MALRD1: variants seen among roughly 807,000 people sequenced by gnomAD.
MALRD1 encodes MAM and LDL-receptor class A domain-containing protein 1.
A neutral mutation model predicts 242.1 loss-of-function variants in MALRD1; 247 were observed. That is an observed-to-expected ratio of 1.02 (90% CI 0.92 to 1.13). The LOEUF (loss-of-function observed/expected upper bound fraction) is 1.13. Ranked by LOEUF, MALRD1 falls within the 50% of genes most tolerant of loss-of-function variation. The probability of loss-of-function intolerance (pLI) is 0.00; values close to 1 mark genes in which losing one functional copy is unlikely to be tolerated. For synonymous variants in MALRD1, 995 were observed against 866.6 expected (o/e 1.15, Z -2.60); for missense variants, 2,989 against 2,533.1 (o/e 1.18, Z -3.86).
chr10:19,216,561 G>A (rs79647793), intron 18 of MALRD1, among the ~76,000 whole-genome samples: 4,291 of 151,932 alleles, frequency 0.028, 175 homozygotes, highest in East Asian at 0.18. Context: ...TTATCATAGT[G>A]TGTTATTTGT....
At chr10:19,570,874 G>A (rs563523715) in intron 33 of MALRD1, among the ~76,000 whole-genome samples, 1 of 151,852 alleles carries the variant, frequency 6.6e-6, no homozygotes, top group Non-Finnish European at 1.5e-5. Context: ...AAACTGTGTT[G>A]TTTGTAATTG....
At chr10:19,589,535 C>T (rs552731888) in intron 33 of MALRD1, among the ~76,000 whole-genome samples, 1 of 152,268 alleles carries the variant, frequency 6.6e-6, no homozygotes, top group South Asian at 2.1e-4. Flanking sequence ...AGCACATAAA[C>T]TAAGCTTTCA....
chr10:19,420,118 C>T (rs1487273363), intron 28 of MALRD1, among the ~76,000 whole-genome samples: 1 of 152,156 alleles, frequency 6.6e-6, no homozygotes, highest in Non-Finnish European at 1.5e-5. Context: ...GGAAGGGGTT[C>T]TTATGCCTGA....
intron 5 of MALRD1, among the ~76,000 whole-genome samples, chr10:19,115,771 G>A (rs962734860): frequency 6.6e-6 from 1 of 152,124 alleles, no homozygotes; most frequent in South Asian, 2.1e-4. Flanking sequence ...AGCTACTGGG[G>A]AGGCTGAGAC....
chr10:19,530,431 T>TA (rs1564417459), intron 31 of MALRD1, among the ~76,000 whole-genome samples: 9 of 66,774 alleles, frequency 1.3e-4, no homozygotes, highest in African/African-American at 4.4e-4. Flanking sequence ...AAATATATAA[T>TA]ATATATAATA....
At position 19,231,213 on chromosome 10, in the gene MALRD1, C is replaced by T. The variant is rs145685538; in HGVS notation, c.2991+21533C>T. Among the ~76,000 whole-genome samples, 735 of 152,266 alleles carry T rather than the reference C, an allele frequency of 4.8e-3. 3 individuals are homozygous for T. Among genetic ancestry groups the T allele is most frequent in the Middle Eastern group, 0.01 (3 of 294 alleles). The stretch of plus-strand genomic sequence containing the variant: ...AATTTAGGCCAACTCTGAAGGGTCA[C>T]CCCAGCTTCTCAGCTCCCCCTTGAG... On this transcript the variant is annotated intron_variant, in intron 18 of 39. Transcript: ENST00000454679.
At chr10:19,435,716 A>G (rs1834326403) in intron 28 of MALRD1, among the ~76,000 whole-genome samples, 1 of 152,136 alleles carries the variant, frequency 6.6e-6, no homozygotes, top group Admixed American at 6.6e-5. Context: ...AAAGTTGTCA[A>G]GTTCCTTCCC....
At chr10:19,550,368 G>A (rs187489549) in intron 32 of MALRD1, among the ~76,000 whole-genome samples, 1 of 151,968 alleles carries the variant, frequency 6.6e-6, no homozygotes, top group Non-Finnish European at 1.5e-5. Flanking sequence ...TAAGTTCAGG[G>A]GTACCTGTGC....
At chr10:19,116,966 G>C (rs967541084) in intron 5 of MALRD1, among the ~76,000 whole-genome samples, 5 of 151,806 alleles carry the variant, frequency 3.3e-5, no homozygotes, top group Admixed American at 2.6e-4. Context: ...GTGGTGGCGG[G>C]CCCCTGTAGT....
intron 18 of MALRD1, among the ~76,000 whole-genome samples, chr10:19,229,857 T>G (rs1471228896): frequency 6.6e-6 from 1 of 152,162 alleles, no homozygotes; most frequent in Non-Finnish European, 1.5e-5. Context: ...TAGCTATATT[T>G]AATTGAAAGT....
chr10:19,544,407 C>T (rs1835113334), intron 32 of MALRD1, among the ~76,000 whole-genome samples: 1 of 151,922 alleles, frequency 6.6e-6, no homozygotes. Flanking sequence ...AGGCTGGTCT[C>T]GAACTCCTGA....
chr10:19,357,565 A>T (rs868097977), intron 26 of MALRD1, among the ~76,000 whole-genome samples: 32 of 152,254 alleles, frequency 2.1e-4, no homozygotes, highest in African/African-American at 7.7e-4. Flanking sequence ...TTACTTTATA[A>T]CTATAAAATC....
At chr10:19,502,272 A>T (rs1181332261) in intron 31 of MALRD1, among the ~76,000 whole-genome samples, 1 of 152,026 alleles carries the variant, frequency 6.6e-6, no homozygotes, top group Non-Finnish European at 1.5e-5. Context: ...TAAAATATAA[A>T]TAAGCAGAAA....
chr10:19,393,612 A>AT (rs71387075), intron 28 of MALRD1, among the ~76,000 whole-genome samples: 20,677 of 132,354 alleles, frequency 0.16, 1,664 homozygotes, highest in East Asian at 0.25. Context: ...CGCCTGGCTA[A>AT]TTTTTTTTTT....
intron 36 of MALRD1, among the ~76,000 whole-genome samples, chr10:19,656,106 A>G (rs1403604688): frequency 6.6e-6 from 1 of 152,186 alleles, no homozygotes; most frequent in African/African-American, 2.4e-5. Context: ...TCAATTCTTG[A>G]AATGATTTAT....
chr10:19,535,454 C>G (rs1032298417), intron 32 of MALRD1, among the ~76,000 whole-genome samples: 6 of 150,242 alleles, frequency 4.0e-5, no homozygotes, highest in African/African-American at 1.5e-4. Flanking sequence ...AGATATTTCC[C>G]TCATAAATAT....
At position 19,399,918 on chromosome 10, in the gene MALRD1, T is replaced by C. The variant is rs191771773; in HGVS notation, c.4845+10309T>C. On this transcript the variant is annotated intron_variant, in intron 28 of 39. Coordinates refer to ENST00000454679, the MANE Select transcript of MALRD1 (RefSeq NM_001142308.3). ...ACTGTGGATAGTATTATGTGAAAGA[T>C]ATAAACAAAAAAAACTGAGCAGTTT... is the stretch of plus-strand genomic sequence containing the variant. 1.4e-3 allele frequency among the ~76,000 whole-genome samples: 212 copies of C among 152,278 alleles called. 1 individual carries two copies. Among genetic ancestry groups the C allele is most frequent in the Non-Finnish European group, 1.4e-3 (96 of 68,022 alleles).
chr10:19,404,027 T>C (rs1028002397), intron 28 of MALRD1, among the ~76,000 whole-genome samples: 1 of 152,120 alleles, frequency 6.6e-6, no homozygotes, highest in African/African-American at 2.4e-5. Context: ...ATTTTGTTTC[T>C]TGTGAGGTTT....
At chr10:19,581,443 C>T (rs1331652473) in intron 33 of MALRD1, among the ~76,000 whole-genome samples, 2 of 149,166 alleles carry the variant, frequency 1.3e-5, no homozygotes, top group Non-Finnish European at 3.0e-5. Flanking sequence ...TTGTTCAATT[C>T]CCACCTATGA....
Sources: gnomAD v4.1 joint callset for allele counts (sites outside exome capture counted in the v4.1 genomes callset) on GRCh38, gnomAD v4.1.1 for gene constraint, MANE v1.5 for transcripts, NCBI Gene and HGNC (gene_info 2026-07-23, HGNC 2026-07-21) for gene names.